PDE1C: variants seen among roughly 807,000 people sequenced by gnomAD.
PDE1C encodes phosphodiesterase 1C.
In PDE1C, 62 loss-of-function variants were observed where a neutral mutation model predicts 93.1. The observed-to-expected ratio is 0.67, with a 90% CI of 0.54 to 0.82. The LOEUF (loss-of-function observed/expected upper bound fraction) is 0.82. Among genes scored for constraint, PDE1C ranks in the 40% least tolerant of loss-of-function variants. The probability of loss-of-function intolerance (pLI) is 0.00; values close to 1 mark genes in which losing one functional copy is unlikely to be tolerated. For synonymous variants in PDE1C, 325 were observed against 310.1 expected (o/e 1.05, Z -0.50); for missense variants, 742 against 884.6 (o/e 0.84, Z 2.04).
chr7:32,387,687 C>A (rs1328193490), intron 1 of PDE1C, among the ~76,000 whole-genome samples: 2 of 147,802 alleles, frequency 1.4e-5, no homozygotes, highest in African/African-American at 5.0e-5. Context: ...GGCTGACCCC[C>A]CCCACCTCCC....
intron 2 of PDE1C, among the ~76,000 whole-genome samples, chr7:31,898,023 TGTG>T (rs1562993968): frequency 2.7e-3 from 72 of 26,848 alleles, no homozygotes; most frequent in East Asian, 5.2e-3. Context: ...GGTTTCTTTG[TGTG>T]TGTGTGTGTG....
chr7:31,666,058 T>G, the PDE1C span, among the ~76,000 whole-genome samples: 1 of 152,176 alleles, frequency 6.6e-6, no homozygotes, highest in African/African-American at 2.4e-5. Flanking sequence ...ACCAGGGAGC[T>G]GCTTTATAAA....
chr7:32,053,328 C>T (rs1004895733), intron 1 of PDE1C, among the ~76,000 whole-genome samples: 2 of 152,186 alleles, frequency 1.3e-5, no homozygotes, highest in African/African-American at 2.4e-5. Flanking sequence ...GATGCATGTG[C>T]ACTGATCAAT....
chr7:32,375,485 T>C (rs748320435), intron 1 of PDE1C, among the ~76,000 whole-genome samples: 21 of 152,198 alleles, frequency 1.4e-4, no homozygotes, highest in Admixed American at 6.5e-4. Flanking sequence ...TGGAGATATT[T>C]TTGATTTTCC....
rs1337053472 is a variant in PDE1C, at chr7:32,387,363, A to C, written c.310+40459T>G. Among the ~76,000 whole-genome samples the C allele has an allele frequency of 6.1e-4, 92 of 151,580 alleles. 1 individual carries two copies. The Middle Eastern group carries it at 0.014, about 23-fold the overall frequency. ...ATTCCACAAAACCGCCATTGTCATC[A>C]TGGCCCATCCCCAATGAGCCGCTGG... On this transcript the variant is annotated intron_variant, in intron 1 of 1. Coordinates refer to the PDE1C transcript ENST00000672256.
chr7:31,893,674 ATCC>A (rs2128904927), intron 2 of PDE1C, among the ~76,000 whole-genome samples: 1 of 152,318 alleles, frequency 6.6e-6, no homozygotes, highest in South Asian at 2.1e-4. Flanking sequence ...AGAAAAAAAA[ATCC>A]TCCTCTGTTA....
At chr7:32,266,154 T>C (rs1008878849) in intron 1 of PDE1C, among the ~76,000 whole-genome samples, 1 of 151,742 alleles carries the variant, frequency 6.6e-6, no homozygotes, top group Non-Finnish European at 1.5e-5. Flanking sequence ...TGGTGGCAGG[T>C]GCCTGTAGTC....
intron 1 of PDE1C, among the ~76,000 whole-genome samples, chr7:32,277,320 T>C (rs34376799): frequency 0.098 from 14,919 of 152,242 alleles, 781 homozygotes; most frequent in Non-Finnish European, 0.1. Flanking sequence ...ACACTACTCA[T>C]ACATGAATAG....
chr7:32,386,615 C>G, intron 1 of PDE1C, among the ~76,000 whole-genome samples: 1 of 133,528 alleles, frequency 7.5e-6, no homozygotes, highest in Non-Finnish European at 1.6e-5. Flanking sequence ...ACATTATTTC[C>G]TTAGGATAAA....
intron 1 of PDE1C, among the ~76,000 whole-genome samples, chr7:32,358,897 C>CTGTGTGTGTGTG (rs71559224): frequency 0.011 from 1,531 of 145,394 alleles, 31 homozygotes; most frequent in African/African-American, 0.036. Context: ...GTGTGTGTGT[C>CTGTGTGTGTGTG]TGTGTGTGTG....
chr7:31,760,335 A>G (rs1486162730), intron 17 of PDE1C, among the ~76,000 whole-genome samples: 3 of 152,240 alleles, frequency 2.0e-5, no homozygotes. Flanking sequence ...ATCACACTAT[A>G]TCAAGTCATT....
In PDE1C at chr7:31,875,793, C is replaced by CTATATATATATATATATA. The variant is rs71559206; in HGVS notation, c.492+2159_492+2176dup. 1.9e-3 allele frequency among the ~76,000 whole-genome samples: 82 copies of CTATATATATATATATATA among 43,088 alleles called. 6 individuals carry two copies. The highest frequency in any genetic ancestry group is 2.8e-3 in the Non-Finnish European group (47 of 16,842). The allele number at this position is 43,088 out of a possible 152,430, so 28.3% of individuals were successfully genotyped here. A position where few individuals can be genotyped will look rare whatever the true frequency, so the allele number is the denominator to read the frequency against. On this transcript the variant is annotated intron_variant, in intron 5 of 17. Coordinates refer to ENST00000396191, the MANE Select transcript of PDE1C (RefSeq NM_001191057.4). ...AACACCTCAAGTTAGAAGCTTACAT[C>CTATATATATATATATATA]TATATATATATATATATATATATAT...
At chr7:32,399,615 C>T (rs1029107994) in intron 1 of PDE1C, among the ~76,000 whole-genome samples, 2 of 139,248 alleles carry the variant, frequency 1.4e-5, no homozygotes, top group African/African-American at 2.7e-5. Context: ...CAGAGTCTTC[C>T]TCTGTTGCCC....
At chr7:32,226,010 T>A (rs1319783767) in intron 1 of PDE1C, among the ~76,000 whole-genome samples, 1 of 152,056 alleles carries the variant, frequency 6.6e-6, no homozygotes, top group Non-Finnish European at 1.5e-5. Flanking sequence ...GTGAGCCAAG[T>A]TCATGCCACT....
chr7:32,189,635 G>T (rs1804100791), intron 2 of PDE1C, among the ~76,000 whole-genome samples: 1 of 152,146 alleles, frequency 6.6e-6, no homozygotes, highest in South Asian at 2.1e-4. Context: ...GATGTGCTCT[G>T]AGCACTTGGA....
chr7:32,410,885 T>A (rs1312061642), intron 1 of PDE1C, among the ~76,000 whole-genome samples: 1 of 152,176 alleles, frequency 6.6e-6, no homozygotes, highest in Non-Finnish European at 1.5e-5. Context: ...TCTGGGTGCT[T>A]CAACATCCCT....
chr7:31,856,958 G>A (rs1374821988), intron 7 of PDE1C, among the ~76,000 whole-genome samples: 1 of 152,072 alleles, frequency 6.6e-6, no homozygotes, highest in Non-Finnish European at 1.5e-5. Context: ...TATTCTCTCT[G>A]TATCCTCACA....
chr7:32,023,769 G>C (rs7803028), intron 2 of PDE1C, among the ~76,000 whole-genome samples: 5 of 151,886 alleles, frequency 3.3e-5, no homozygotes, highest in Admixed American at 6.6e-5. Flanking sequence ...TGGAGGAGAG[G>C]GGATGGGTGT....
chr7:32,016,053 T>C (rs1247011381), intron 2 of PDE1C, among the ~76,000 whole-genome samples: 1 of 152,204 alleles, frequency 6.6e-6, no homozygotes, highest in Non-Finnish European at 1.5e-5. Flanking sequence ...GTTACCACCC[T>C]TTCTCTAGGA....
Sources: allele counts gnomAD v4.1 joint callset (sites outside exome capture counted in the v4.1 genomes callset), GRCh38; gene constraint gnomAD v4.1.1; transcripts MANE v1.5; gene names NCBI Gene and HGNC (gene_info 2026-07-23, HGNC 2026-07-21).